The following CLCA4 variants were observed in gnomAD, a reference collection of about 807,000 sequenced individuals.
CLCA4 encodes chloride channel accessory 4, also known as calcium-activated chloride channel regulator 4.
CLCA4 carries 69 observed loss-of-function variants against 78.9 expected under a neutral mutation model. The ratio of observed to expected loss-of-function variants is 0.87; its 90% CI spans 0.72 to 1.07. The LOEUF (loss-of-function observed/expected upper bound fraction) is 1.07. CLCA4 is among the 50% of genes least tolerant of loss of function. The pLI is 0.00. For synonymous variants in CLCA4, 362 were observed against 375.8 expected (o/e 0.96, Z 0.42); for missense variants, 1,133 against 1,095.8 (o/e 1.03, Z -0.48).
At chr1:86,556,566 G>A (rs1361342328) in intron 1 of CLCA4, among the ~76,000 whole-genome samples, 1 of 152,112 alleles carries the variant, frequency 6.6e-6, no homozygotes, top group Non-Finnish European at 1.5e-5. Flanking sequence ...GCTTTTTGGT[G>A]AGCTGCTGGA....
In CLCA4 at chr1:86,565,824, A is replaced by G. The variant is rs1439064197; in HGVS notation, c.758A>G (p.Lys253Arg). ...TAGGTTGTTGAATTTTGTAACGAAA[A>G]AACCCATAATCAAGAAGCTCCAAGC... ...IDSVVEFCNE[K>R]THNQEAPSLQ... Residue 253 changes from lysine (K) to arginine (R), a missense_variant, in exon 6 of 14, where the codon AAA becomes AGA. Lys to Arg is a conservative substitution (Grantham distance 26). Coordinates refer to ENST00000370563, the MANE Select transcript of CLCA4 (RefSeq NM_012128.4). The G allele has an allele frequency of 2.6e-6, 4 of 1,535,054 alleles. No individual in the cohort carries two copies. Among genetic ancestry groups the G allele is most frequent in the Non-Finnish European group, 2.6e-6 (3 of 1,141,604 alleles).
chr1:86,547,387 T>A, intron 1 of CLCA4, 109 bp downstream of exon 1: 2 of 800,544 alleles, frequency 2.5e-6, no homozygotes, highest in Non-Finnish European at 3.7e-6. Context: ...TTTCTATACA[T>A]GTATACAATT....
chr1:86,571,081 T>C lies in CLCA4; in HGVS notation c.1187T>C (p.Ile396Thr), dbSNP rs1650336300. ...TGCTCTGCATTATGTTTGCAGGTGA[T>C]TGGAGAGCTACATTCCCAACTCGAT... ...CSGIKYAFQV[I>T]GELHSQLDGS... The change falls in exon 8 of 14, where the codon ATT becomes ACT. Residue 396 changes from isoleucine (I) to threonine (T), a missense_variant. Physicochemically the swap from Ile to Thr is moderately conservative, Grantham distance 89 (BLOSUM62 -1). Coordinates refer to ENST00000370563, the MANE Select transcript of CLCA4 (RefSeq NM_012128.4). The C allele has an allele frequency of 6.2e-7, 1 of 1,608,428 alleles. No homozygotes were observed. The highest frequency in any genetic ancestry group is 2.2e-5 in the East Asian group (1 of 44,856).
chr1:86,580,348 C>T lies in CLCA4; in HGVS notation c.*3C>T, dbSNP rs1417784400. On this transcript the variant is annotated 3_prime_UTR_variant, in exon 14 of 14. Transcript: ENST00000370563. ...TTATTTTAAGTACCACCATTTGAAC[C>T]TTAACGAAGAAAAAAATCTTCAAGT... 1 of 1,553,684 alleles carries T rather than the reference C, an allele frequency of 6.4e-7. No homozygotes were observed. Among genetic ancestry groups the T allele is most frequent in the East Asian group, 2.3e-5 (1 of 44,292 alleles).
chr1:86,572,028 C>G (rs564953474), intron 8 of CLCA4, among the ~76,000 whole-genome samples: 11 of 151,990 alleles, frequency 7.2e-5, no homozygotes, highest in Non-Finnish European at 1.0e-4. Context: ...AAATTTATTT[C>G]TATTCCAAGT....
chr1:86,577,972 T>G lies in CLCA4; in HGVS notation c.2022T>G (p.Tyr674Ter). 1 of 1,612,874 alleles carries G rather than the reference T, an allele frequency of 6.2e-7. No individual in the cohort carries two copies. The highest frequency in any genetic ancestry group is 8.5e-7 in the Non-Finnish European group (1 of 1,179,318). Residue 674 changes from tyrosine (Y) to a stop codon, truncating the protein, a stop_gained, in exon 12 of 14, where the codon TAT becomes TAG. Transcript: ENST00000370563. LOFTEE classifies it high-confidence loss of function. ...CAGCATATACAGAAAATGGCAGATA[T>G]AGCTTAAAAGTTCGGGCTCATGGAG... ...YFTAYTENGR[Y>*]SLKVRAHGGA...
At chr1:86,560,468 TC>T in intron 3 of CLCA4, 110 bp downstream of exon 3, 2 of 1,073,616 alleles carry the variant, frequency 1.9e-6, no homozygotes, top group South Asian at 3.2e-5. Context: ...AAATCCTGGC[TC>T]CCCTACTTAC....
chr1:86,566,293 T>C (rs1197598353), intron 6 of CLCA4, among the ~76,000 whole-genome samples: 1 of 152,040 alleles, frequency 6.6e-6, no homozygotes, highest in African/African-American at 2.4e-5. Flanking sequence ...CTTCTACTGT[T>C]TCCCAACAAT....
intron 1 of CLCA4, chr1:86,553,377 C>T (rs1210064860): frequency 5.7e-6 from 3 of 524,332 alleles, no homozygotes; most frequent in Non-Finnish European, 6.9e-6. Context: ...TGGGTCCTGC[C>T]GTCTCGTGCA....
Position 86,560,056 on chromosome 1 carries a change from A to G in CLCA4, c.284A>G (p.His95Arg), listed in dbSNP as rs1313401249. The change falls in exon 2 of 14, where the codon CAT becomes CGT. Residue 95 changes from histidine (H) to arginine (R), a missense_variant. Transcript: ENST00000370563. ...AATCCTCAGTACAAAAGGCCAAAAC[A>G]TGAAAACCATAAACATGTAAGTGTC... ...KENPQYKRPK[H>R]ENHKHADVIV... The G allele has an allele frequency of 6.3e-7, 1 of 1,594,984 alleles. No individual in the cohort carries two copies. Among genetic ancestry groups the G allele is most frequent in the African/African-American group, 1.4e-5 (1 of 73,538 alleles).
intron 11 of CLCA4, 62 bp from the exon 12 acceptor site, chr1:86,577,840 C>T (rs1650564112): frequency 2.8e-6 from 4 of 1,440,044 alleles, no homozygotes; most frequent in South Asian, 1.3e-5. Flanking sequence ...AGGCCAATTG[C>T]TTGTCTTAGA....
At chr1:86,562,744 C>G (rs891116738) in intron 3 of CLCA4, among the ~76,000 whole-genome samples, 1 of 151,404 alleles carries the variant, frequency 6.6e-6, no homozygotes, top group African/African-American at 2.4e-5. Context: ...ATCTCAGCTA[C>G]TCGGGAGGCT....
Position 86,565,864 on chromosome 1 carries a change from G to C in CLCA4, c.798G>C (p.Lys266Asn), listed in dbSNP as rs766688618. 2 of 1,606,032 alleles carry C rather than the reference G, an allele frequency of 1.2e-6. No individual in the cohort carries two copies. The highest frequency in any genetic ancestry group is 2.2e-5 in the South Asian group (2 of 89,810). ...AAGCTCCAAGCCTACAAAACATAAAGTGCAATTTTAGAAGTACATGGGAGG... is the reference window on the plus strand; with the variant it reads ...AAGCTCCAAGCCTACAAAACATAAACTGCAATTTTAGAAGTACATGGGAGG... ...NQEAPSLQNIKCNFRSTWEVI... is the reference protein window; with the variant it reads ...NQEAPSLQNINCNFRSTWEVI... Residue 266 changes from lysine (K) to asparagine (N), a missense_variant, in exon 6 of 14, where the codon AAG (lysine) becomes AAC (asparagine). Transcript: ENST00000370563.
chr1:86,574,954 G>A (rs781770290), intron 10 of CLCA4, among the ~76,000 whole-genome samples, 199 bp downstream of exon 10: 37 of 151,980 alleles, frequency 2.4e-4, no homozygotes, highest in Non-Finnish European at 3.7e-4. Context: ...GGAAGAAAAC[G>A]TAGTCAAGAC....
rs776113862 is a variant in CLCA4 at position 86,563,766 on chromosome 1, C to A, written c.554C>A (p.Thr185Lys). 1.9e-6 allele frequency: 3 copies of A among 1,567,516 alleles called. No individual in the cohort carries two copies. The South Asian group carries it at 3.4e-5, about 18-fold the overall frequency. ...YRAKSKKIEA[T>K]RCSAGISGRN... The stretch of plus-strand genomic sequence containing the variant: ...GCTAAGTCAAAAAAAATCGAAGCAA[C>A]AAGGCATGGCTATTTAAATTTTCTA... The change falls in exon 4 of 14, where the codon ACA becomes AAA. Residue 185 changes from threonine to lysine, a missense_variant. Coordinates refer to ENST00000370563, the MANE Select transcript of CLCA4 (RefSeq NM_012128.4).
At chr1:86,561,246 C>A (rs1166076282) in intron 3 of CLCA4, among the ~76,000 whole-genome samples, 1 of 152,204 alleles carries the variant, frequency 6.6e-6, no homozygotes, top group African/African-American at 2.4e-5. Context: ...CACCTCTAAT[C>A]CTTTGTGCCC....
chr1:86,547,260 A>C lies in CLCA4; in HGVS notation c.141A>C (p.Lys47Asn). The C allele has an allele frequency of 6.3e-7, 1 of 1,593,030 alleles. No individual in the cohort carries two copies. The highest frequency in any genetic ancestry group is 2.3e-5 in the East Asian group (1 of 44,422). Residue 47 changes from lysine to asparagine, a missense_variant, in exon 1 of 14, where the codon AAA (lysine) becomes AAC (asparagine). Coordinates refer to ENST00000370563, the MANE Select transcript of CLCA4 (RefSeq NM_012128.4). ...ATCCTAGTGTGCCAGAAGATGAAAAAATAATTGAACAAATAGAGGTAAGAA... is the reference window on the plus strand; with the variant it reads ...ATCCTAGTGTGCCAGAAGATGAAAACATAATTGAACAAATAGAGGTAAGAA... The part of the protein sequence containing the change: ...VIDPSVPEDE[K>N]IIEQIEDMVT...
Position 86,565,883 on chromosome 1 carries a change from T to C in CLCA4, c.817T>C (p.Trp273Arg). The change falls in exon 6 of 14, where the codon TGG becomes CGG. Residue 273 changes from tryptophan (W) to arginine (R), a missense_variant. Coordinates refer to ENST00000370563, the MANE Select transcript of CLCA4 (RefSeq NM_012128.4). ...CATAAAGTGCAATTTTAGAAGTACA[T>C]GGGAGGTGATTAGCAATTCTGAGGA... ...QNIKCNFRSTWEVISNSEDFK... is the reference protein window; with the variant it reads ...QNIKCNFRSTREVISNSEDFK... The C allele has an allele frequency of 6.2e-7, 1 of 1,612,254 alleles. No homozygotes were observed. The highest frequency in any genetic ancestry group is 8.5e-7 in the Non-Finnish European group (1 of 1,178,590).
Position 86,560,035 on chromosome 1 carries a change from C to A in CLCA4, c.263C>A (p.Pro88His). The change falls in exon 2 of 14, where the codon CCT (proline) becomes CAT (histidine). Residue 88 changes from proline (P) to histidine (H), a missense_variant. Pro to His is a moderately conservative substitution (Grantham distance 77, BLOSUM62 -2). Transcript: ENST00000370563. ...ILIPENWKEN[P>H]QYKRPKHENH... ...ATTCCTGAGAATTGGAAGGAAAATCCTCAGTACAAAAGGCCAAAACATGAA... is the reference window on the plus strand; with the variant it reads ...ATTCCTGAGAATTGGAAGGAAAATCATCAGTACAAAAGGCCAAAACATGAA... 6.2e-7 allele frequency: 1 copy of A among 1,607,542 alleles called. No homozygotes were observed. The highest frequency in any genetic ancestry group is 2.2e-5 in the East Asian group (1 of 44,758).
Sources: gnomAD v4.1 joint callset for allele counts (sites outside exome capture counted in the v4.1 genomes callset) on GRCh38, gnomAD v4.1.1 for gene constraint, MANE v1.5 for transcripts, NCBI Gene and HGNC (gene_info 2026-07-23, HGNC 2026-07-21) for gene names.